APAF1: variants seen among roughly 807,000 people sequenced by gnomAD.
APAF1 encodes apoptotic peptidase activating factor 1, also known as apoptotic protease-activating factor 1.
APAF1 carries 91 observed loss-of-function variants against 152.4 expected under a neutral mutation model. That is an observed-to-expected ratio of 0.60 (90% CI 0.50 to 0.71). APAF1 has a LOEUF of 0.71. APAF1 is among the 30% of genes least tolerant of loss of function. The probability of loss-of-function intolerance (pLI) is 0.00; values close to 1 mark genes in which losing one functional copy is unlikely to be tolerated. For missense variants in APAF1, 1,283 were observed against 1,472.0 expected (o/e 0.87, Z 2.10); for synonymous variants, 484 against 494.1 (o/e 0.98, Z 0.27).
intron 10 of APAF1, 50 bp downstream of exon 10, chr12:98,667,694 A>G (rs768500958): frequency 6.4e-7 from 1 of 1,566,656 alleles, no homozygotes; most frequent in East Asian, 2.3e-5. Flanking sequence ...CTTTTTCCAT[A>G]TGTATTACAA....
intron 19 of APAF1, among the ~76,000 whole-genome samples, 189 bp downstream of exon 19, chr12:98,706,799 G>A (rs1163293826): frequency 2.0e-5 from 3 of 152,136 alleles, no homozygotes; most frequent in Non-Finnish European, 2.9e-5. Context: ...TGTTCATTGA[G>A]GATTACCATG....
chr12:98,654,816 C>CTTT (rs758991431), intron 4 of APAF1, among the ~76,000 whole-genome samples: 14 of 116,790 alleles, frequency 1.2e-4, no homozygotes, highest in African/African-American at 4.0e-4. Flanking sequence ...GTAGTATTTT[C>CTTT]TTTTTTTTTT....
chr12:98,673,709 T>C (rs1426334910), intron 12 of APAF1, among the ~76,000 whole-genome samples: 1 of 152,068 alleles, frequency 6.6e-6, no homozygotes, highest in Non-Finnish European at 1.5e-5. Context: ...TGTACTGTGC[T>C]AAGCACTAGC....
intron 4 of APAF1, among the ~76,000 whole-genome samples, chr12:98,651,577 CA>C (rs1351160182): frequency 1.3e-5 from 2 of 152,220 alleles, no homozygotes; most frequent in African/African-American, 4.8e-5. Flanking sequence ...TCTGCTGCTG[CA>C]GCAAAGCTGG....
chr12:98,725,559 T>A lies in APAF1; in HGVS notation c.3456+19T>A. ...AATCAGGGTAGGCTGTTTGCTGACA[T>A]GAGAGCACTGCTCTTCTTGTAGCTT... On this transcript the variant is annotated intron_variant, in intron 25 of 26. Transcript: ENST00000551964. 1 of 1,614,002 alleles carries A rather than the reference T, an allele frequency of 6.2e-7. No homozygotes were observed. The highest frequency in any genetic ancestry group is 8.5e-7 in the Non-Finnish European group (1 of 1,179,890).
rs1257437408 is a variant in APAF1 at position 98,648,392 on chromosome 12, A to G, written c.33A>G (p.Gln11=). Residue 11 remains glutamine, a synonymous_variant, in exon 2 of 27, where the codon CAA becomes CAG. Coordinates refer to ENST00000551964, the MANE Select transcript of APAF1 (RefSeq NM_181861.2). The stretch of plus-strand genomic sequence containing the variant: ...CAAAAGCTCGAAATTGTTTGCTTCA[A>G]CATAGAGAAGCTCTGGAAAAGGACA... MDAKARNCLL[Q]HREALEKDIK... The G allele has an allele frequency of 8.1e-6, 13 of 1,614,022 alleles. No homozygotes were observed. The highest frequency in any genetic ancestry group is 1.0e-5 in the Non-Finnish European group (12 of 1,180,014).
At chr12:98,703,094 CTATT>C (rs1186374756) in intron 17 of APAF1, among the ~76,000 whole-genome samples, 5 of 152,106 alleles carry the variant, frequency 3.3e-5, no homozygotes, top group African/African-American at 1.2e-4. Flanking sequence ...TTGGGCCAGT[CTATT>C]CATTTATTCA....
At position 98,707,709 on chromosome 12, in the gene APAF1, T is replaced by TATATATATATATATATAC. The variant is rs899955094; in HGVS notation, c.2722-873_2722-872insTATATATATATATACATA. 8.0e-5 allele frequency among the ~76,000 whole-genome samples: 12 copies of TATATATATATATATATAC among 149,860 alleles called. No homozygotes were observed. In the East Asian group the frequency reaches 2.0e-3, roughly 24 times the overall value. Reference sequence around the variant, plus strand: ...GCAAAGTACTATATATATATATATATATACATATAAATTTACTAATTCTCA... The same window carrying TATATATATATATATATAC: ...GCAAAGTACTATATATATATATATATATATATATATATATATACATACATATAAATTTACTAATTCTCA... On this transcript the variant is annotated intron_variant, in intron 19 of 26. Coordinates refer to ENST00000551964, the MANE Select transcript of APAF1 (RefSeq NM_181861.2).
At chr12:98,723,584 A>G in intron 23 of APAF1, 55 bp from the exon 24 acceptor site, 2 of 1,479,446 alleles carry the variant, frequency 1.4e-6, no homozygotes, top group Admixed American at 1.8e-5. Context: ...ATGCTTTTTA[A>G]TATAAAATGT....
chr12:98,706,401 G>C, intron 18 of APAF1, 84 bp from the exon 19 acceptor site: 2 of 1,348,972 alleles, frequency 1.5e-6, no homozygotes, highest in Non-Finnish European at 2.1e-6. Context: ...GGTATTGCTG[G>C]CTCATTCTTG....
intron 7 of APAF1, among the ~76,000 whole-genome samples, chr12:98,665,278 A>ATATATATATATATATTTT (rs1491316422): frequency 1.5e-5 from 1 of 66,012 alleles, no homozygotes; most frequent in African/African-American, 5.7e-5. Context: ...ATATATATAT[A>ATATATATATATATATTTT]TTTTTTTTTT....
chr12:98,715,274 ATATATAT>A lies in APAF1; in HGVS notation c.2959-152_2959-146del, dbSNP rs1225701912. Reference sequence around the variant, plus strand: ...TATATATATATATATATATATATATATATATATGACATTCATTTGTTTTTAATTAGGC... The same window carrying A: ...TATATATATATATATATATATATATAGACATTCATTTGTTTTTAATTAGGC... On this transcript the variant is annotated intron_variant, in intron 21 of 26. Transcript: ENST00000551964. 9.0e-5 allele frequency among the ~76,000 whole-genome samples: 10 copies of A among 110,626 alleles called. 1 individual carries two copies. The highest frequency in any genetic ancestry group is 7.2e-4 in the East Asian group (2 of 2,794). The allele number at this position is 110,626 out of a possible 152,430, so 72.6% of individuals were successfully genotyped here. A position where few individuals can be genotyped will look rare whatever the true frequency, so the allele number is the denominator to read the frequency against.
At chr12:98,731,779 G>A (rs1038344420) in intron 26 of APAF1, among the ~76,000 whole-genome samples, 1 of 152,104 alleles carries the variant, frequency 6.6e-6, no homozygotes, top group East Asian at 1.9e-4. Flanking sequence ...ATTCCCATTT[G>A]TTAAATGAAT....
chr12:98,698,735 C>G lies in APAF1; in HGVS notation c.2305-673C>G, dbSNP rs531001681. Among the ~76,000 whole-genome samples, 10 of 152,332 alleles carry G rather than the reference C, an allele frequency of 6.6e-5. No individual in the cohort carries two copies. The South Asian group carries it at 2.1e-3, about 32-fold the overall frequency. On this transcript the variant is annotated intron_variant, in intron 16 of 26. Transcript: ENST00000551964. ...TTGGGCATGGGCAGTCATTATCACT[C>G]TGTGAGGCTGAGACACTGCTCATGG...
At chr12:98,700,617 G>A (rs2097714372) in intron 17 of APAF1, among the ~76,000 whole-genome samples, 1 of 152,170 alleles carries the variant, frequency 6.6e-6, no homozygotes, top group Admixed American at 6.5e-5. Flanking sequence ...GTGATAAAAT[G>A]CATATAATGT....
At chr12:98,700,002 G>A (rs749506128) in intron 17 of APAF1, among the ~76,000 whole-genome samples, 4 of 152,106 alleles carry the variant, frequency 2.6e-5, no homozygotes, top group African/African-American at 9.6e-5. Flanking sequence ...ACAATTTTAT[G>A]ATTTGATGAC....
intron 22 of APAF1, among the ~76,000 whole-genome samples, chr12:98,720,747 C>T (rs1012944923): frequency 9.9e-5 from 15 of 152,052 alleles, no homozygotes; most frequent in Non-Finnish European, 1.9e-4. Context: ...GGGCGGATCA[C>T]GAGGTCAGGA....
At chr12:98,657,418 G>T (rs907053173) in intron 4 of APAF1, among the ~76,000 whole-genome samples, 1 of 152,158 alleles carries the variant, frequency 6.6e-6, no homozygotes, top group Non-Finnish European at 1.5e-5. Flanking sequence ...ATAGGTATTT[G>T]CTCCTCAAGG....
At chr12:98,664,297 G>A (rs1396800018) in intron 7 of APAF1, among the ~76,000 whole-genome samples, 1 of 152,112 alleles carries the variant, frequency 6.6e-6, no homozygotes, top group Admixed American at 6.6e-5. Context: ...GATTACAGGC[G>A]TGAGCCACCA....
Sources: gnomAD v4.1 joint callset for allele counts (sites outside exome capture counted in the v4.1 genomes callset) on GRCh38, gnomAD v4.1.1 for gene constraint, MANE v1.5 for transcripts, NCBI Gene and HGNC (gene_info 2026-07-23, HGNC 2026-07-21) for gene names.